Variants in FSTL5 observed in about 807,000 individuals in gnomAD.
FSTL5 encodes the protein follistatin like 5.
In FSTL5, 62 loss-of-function variants were observed where a neutral mutation model predicts 89.1. The ratio of observed to expected loss-of-function variants is 0.70; its 90% CI spans 0.57 to 0.86. The LOEUF (loss-of-function observed/expected upper bound fraction) is 0.86, where lower values mean the gene tolerates loss of function less well. Ranked by LOEUF, FSTL5 falls within the 40% of genes least tolerant of loss-of-function variation. The pLI, the probability that FSTL5 is intolerant of heterozygous loss-of-function variation, is 0.00. For synonymous variants in FSTL5, 383 were observed against 346.2 expected (o/e 1.11, Z -1.18); for missense variants, 1,057 against 1,001.6 (o/e 1.06, Z -0.75).
chr4:162,052,804 T>G (rs1253127921), intron 2 of FSTL5, among the ~76,000 whole-genome samples: 1 of 151,834 alleles, frequency 6.6e-6, no homozygotes, highest in Non-Finnish European at 1.5e-5. Context: ...AAATCTACTC[T>G]CTTAGTTTTC....
chr4:162,080,060 C>T (rs2111330977), intron 2 of FSTL5, among the ~76,000 whole-genome samples: 1 of 151,494 alleles, frequency 6.6e-6, no homozygotes, highest in Admixed American at 6.6e-5. Context: ...TATCCACCTC[C>T]CCAGAATGAT....
chr4:162,010,214 T>C (rs372934675), intron 3 of FSTL5, among the ~76,000 whole-genome samples: 17 of 152,102 alleles, frequency 1.1e-4, no homozygotes, highest in African/African-American at 4.1e-4. Flanking sequence ...TTACATTTTC[T>C]AGTGCATTGG....
At chr4:161,746,334 C>G (rs181229282) in intron 6 of FSTL5, among the ~76,000 whole-genome samples, 2 of 152,058 alleles carry the variant, frequency 1.3e-5, no homozygotes, top group Non-Finnish European at 2.9e-5. Flanking sequence ...ATCTTTTCCC[C>G]TAATATTCCT....
chr4:161,395,555 T>G (rs1315323475), intron 15 of FSTL5, among the ~76,000 whole-genome samples: 2 of 152,144 alleles, frequency 1.3e-5, no homozygotes, highest in Non-Finnish European at 2.9e-5. Flanking sequence ...TTAGATTGGC[T>G]GATTCTAAAA....
chr4:161,991,083 T>A (rs1736097542), intron 3 of FSTL5, among the ~76,000 whole-genome samples: 1 of 152,200 alleles, frequency 6.6e-6, no homozygotes, highest in Admixed American at 6.5e-5. Context: ...ATACCACCAT[T>A]AATTCAGAAA....
intron 8 of FSTL5, among the ~76,000 whole-genome samples, chr4:161,544,976 TGTC>T (rs1423106823): frequency 1.3e-5 from 2 of 152,132 alleles, no homozygotes; most frequent in South Asian, 2.1e-4. Flanking sequence ...TAAAATGAGA[TGTC>T]GTAAATACAA....
chr4:161,755,570 T>C (rs183374182), intron 6 of FSTL5, among the ~76,000 whole-genome samples: 158 of 152,204 alleles, frequency 1.0e-3, no homozygotes, highest in Middle Eastern at 3.4e-3. Context: ...TCCCTCTGGA[T>C]ATTCACTTAA....
chr4:161,573,623 C>T (rs1733104810), intron 8 of FSTL5, among the ~76,000 whole-genome samples: 1 of 148,934 alleles, frequency 6.7e-6, no homozygotes, highest in South Asian at 2.1e-4. Context: ...ATCCCAGCTA[C>T]TCCAGGGGCT....
chr4:161,843,809 C>G (rs1210555582), intron 4 of FSTL5, among the ~76,000 whole-genome samples: 1 of 152,066 alleles, frequency 6.6e-6, no homozygotes, highest in Non-Finnish European at 1.5e-5. Flanking sequence ...GGATTAAAGA[C>G]TTAAACGTAA....
intron 1 of FSTL5, among the ~76,000 whole-genome samples, chr4:162,145,004 C>G (rs1363695159): frequency 6.8e-6 from 1 of 147,822 alleles, no homozygotes; most frequent in Admixed American, 6.7e-5. Context: ...TATGTATATT[C>G]ATATACAATG....
intron 6 of FSTL5, among the ~76,000 whole-genome samples, chr4:161,688,329 T>C (rs1046344149): frequency 9.9e-5 from 15 of 152,190 alleles, no homozygotes; most frequent in Non-Finnish European, 2.9e-5. Flanking sequence ...GTGATCCTCC[T>C]GCCTTGGCCT....
rs192250427 is a variant in FSTL5 at position 161,824,537 on chromosome 4, T to C, written c.410-48463A>G. ...TATAAATTTTAGGATTGTTTGGTTA[T>C]TTTCACAATATTGATTCTAGCCATA... On this transcript the variant is annotated intron_variant, in intron 4 of 15. Transcript: ENST00000306100. Among the ~76,000 whole-genome samples the C allele has an allele frequency of 2.1e-3, 324 of 152,064 alleles. 4 individuals are homozygous for C. Among genetic ancestry groups the C allele is most frequent in the South Asian group, 0.014 (69 of 4,826 alleles).
At chr4:161,821,073 T>A (rs900018458) in intron 4 of FSTL5, among the ~76,000 whole-genome samples, 2 of 152,194 alleles carry the variant, frequency 1.3e-5, no homozygotes, top group African/African-American at 4.8e-5. Flanking sequence ...AGTCTCATTC[T>A]GTCACCCAGG....
intron 4 of FSTL5, among the ~76,000 whole-genome samples, chr4:161,850,498 G>A (rs187633260): frequency 0.05 from 7,143 of 142,444 alleles, 213 homozygotes; most frequent in Non-Finnish European, 0.075. Flanking sequence ...GCAGGTGTGC[G>A]TATGCTGGGT....
At chr4:161,701,240 C>T (rs1422927824) in intron 6 of FSTL5, among the ~76,000 whole-genome samples, 1 of 152,084 alleles carries the variant, frequency 6.6e-6, no homozygotes, top group Non-Finnish European at 1.5e-5. Context: ...TAATTTGATG[C>T]GTTTTGACGC....
chr4:161,804,824 T>C (rs1488653179), intron 4 of FSTL5, among the ~76,000 whole-genome samples: 1 of 152,018 alleles, frequency 6.6e-6, no homozygotes, highest in Non-Finnish European at 1.5e-5. Context: ...ATTGCAATTG[T>C]TGTGGATGAT....
At chr4:161,754,045 T>TATAAAAA (rs1740491453) in intron 6 of FSTL5, among the ~76,000 whole-genome samples, 1 of 85,062 alleles carries the variant, frequency 1.2e-5, no homozygotes, top group African/African-American at 4.6e-5. Flanking sequence ...CCGTCTCAAT[T>TATAAAAA]AAAAAAAAAA....
At chr4:161,769,522 A>G (rs1074659) in intron 5 of FSTL5, among the ~76,000 whole-genome samples, 31,854 of 151,918 alleles carry the variant, frequency 0.21, 6,145 homozygotes, top group African/African-American at 0.51. Context: ...TGATGCAAAA[A>G]TGGTTCAACT....
intron 2 of FSTL5, among the ~76,000 whole-genome samples, chr4:162,102,134 G>T (rs1162478172): frequency 6.6e-6 from 1 of 151,768 alleles, no homozygotes; most frequent in Non-Finnish European, 1.5e-5. Flanking sequence ...TAGCACTACT[G>T]TTTCCACAGA....
Sources: allele counts gnomAD v4.1 joint callset (sites outside exome capture counted in the v4.1 genomes callset), GRCh38; gene constraint gnomAD v4.1.1; transcripts MANE v1.5; gene names NCBI Gene and HGNC (gene_info 2026-07-23, HGNC 2026-07-21).